The following EPHA6 variants were observed in gnomAD, a reference collection of about 807,000 sequenced individuals.
The protein encoded by EPHA6 is ephrin type-A receptor 6.
A neutral mutation model predicts 112.0 loss-of-function variants in EPHA6; 50 were observed. That is an observed-to-expected ratio of 0.45 (90% CI 0.36 to 0.56). The LOEUF (loss-of-function observed/expected upper bound fraction) is 0.56. Among genes scored for constraint, EPHA6 ranks in the 20% least tolerant of loss-of-function variants. The pLI is 0.00. For missense variants in EPHA6, 1,280 were observed against 1,417.4 expected, an observed-to-expected ratio of 0.90 and a Z score of 1.56; for synonymous variants, 529 against 490.7, an observed-to-expected ratio of 1.08 and a Z score of -1.03.
rs1361664347 is a variant in EPHA6, at chr3:96,868,218, AATCTT to A, written c.450+1332_450+1336del. On this transcript the variant is annotated intron_variant, in intron 2 of 17. Transcript: ENST00000389672. ...AGTGTGTGTGTGTGTGTGTGTGTCT[AATCTT>A]ATGAACAGTAGAATGGATAGGTGGT... 1.4e-4 allele frequency among the ~76,000 whole-genome samples: 21 copies of A among 148,088 alleles called. No homozygotes were observed. In the South Asian group the frequency reaches 2.1e-3, roughly 15 times the overall value.
chr3:96,842,696 C>T (rs1423342795), intron 1 of EPHA6, among the ~76,000 whole-genome samples: 1 of 151,982 alleles, frequency 6.6e-6, no homozygotes, highest in Admixed American at 6.6e-5. Context: ...AATTTCTTCC[C>T]TTAAGAACTC....
chr3:97,419,916 C>T (rs956354010), intron 6 of EPHA6, among the ~76,000 whole-genome samples: 3 of 151,876 alleles, frequency 2.0e-5, no homozygotes. Flanking sequence ...TAGAAATCAA[C>T]ACATGAAATA....
chr3:97,362,406 T>C (rs1271418658), intron 5 of EPHA6, among the ~76,000 whole-genome samples: 1 of 152,108 alleles, frequency 6.6e-6, no homozygotes, highest in African/African-American at 2.4e-5. Context: ...ACATGCGATA[T>C]TTAGAATTAA....
intron 14 of EPHA6, among the ~76,000 whole-genome samples, chr3:97,695,130 T>G (rs760331399): frequency 7.9e-5 from 12 of 152,220 alleles, no homozygotes; most frequent in Non-Finnish European, 1.6e-4. Context: ...TTATCAGCAC[T>G]CAGAGAATGA....
intron 3 of EPHA6, among the ~76,000 whole-genome samples, chr3:97,075,205 G>A (rs1490070703): frequency 6.6e-6 from 1 of 151,992 alleles, no homozygotes; most frequent in Non-Finnish European, 1.5e-5. Context: ...TTTAAGACAT[G>A]TAGAATGACA....
chr3:97,325,427 T>C (rs1559885102), intron 5 of EPHA6, among the ~76,000 whole-genome samples: 2 of 152,128 alleles, frequency 1.3e-5, no homozygotes, highest in Non-Finnish European at 2.9e-5. Flanking sequence ...GTCTTATTTT[T>C]ATAAGGACAG....
intron 5 of EPHA6, among the ~76,000 whole-genome samples, chr3:97,300,249 T>TA (rs1018357639): frequency 5.3e-5 from 8 of 151,592 alleles, no homozygotes; most frequent in South Asian, 2.1e-4. Flanking sequence ...TTAAAAACAG[T>TA]AAAAAAAAAT....
intron 10 of EPHA6, among the ~76,000 whole-genome samples, chr3:97,507,200 G>A (rs1377859794): frequency 6.6e-6 from 1 of 152,090 alleles, no homozygotes; most frequent in Non-Finnish European, 1.5e-5. Flanking sequence ...CCAATACTTT[G>A]TTGAATAGGA....
At chr3:97,707,008 C>A (rs1339807258) in intron 14 of EPHA6, among the ~76,000 whole-genome samples, 3 of 152,142 alleles carry the variant, frequency 2.0e-5, no homozygotes, top group Admixed American at 1.3e-4. Flanking sequence ...GAATGAATGC[C>A]ACCAGTGACC....
At chr3:96,949,996 T>C (rs2041456875) in intron 2 of EPHA6, among the ~76,000 whole-genome samples, 1 of 152,134 alleles carries the variant, frequency 6.6e-6, no homozygotes, top group African/African-American at 2.4e-5. Flanking sequence ...TACTTTTCCT[T>C]AAAATTTATC....
At chr3:97,130,513 C>T (rs2048309508) in intron 3 of EPHA6, among the ~76,000 whole-genome samples, 2 of 151,920 alleles carry the variant, frequency 1.3e-5, no homozygotes, top group Admixed American at 6.6e-5. Flanking sequence ...TTATGACTGT[C>T]CTGAATGCTA....
At chr3:97,592,848 G>A (rs1485430984) in intron 12 of EPHA6, 111 bp downstream of exon 12, 9 of 1,204,754 alleles carry the variant, frequency 7.5e-6, no homozygotes, top group Non-Finnish European at 8.8e-6. Flanking sequence ...TTGTGGAAAA[G>A]AAATGTAAGT....
At chr3:97,424,168 C>T (rs1331098429) in intron 6 of EPHA6, among the ~76,000 whole-genome samples, 3 of 152,174 alleles carry the variant, frequency 2.0e-5, no homozygotes, top group African/African-American at 4.8e-5. Flanking sequence ...TAGGAACTCT[C>T]ATTTATAAAA....
At chr3:96,843,716 A>C (rs2107335436) in intron 1 of EPHA6, among the ~76,000 whole-genome samples, 1 of 152,206 alleles carries the variant, frequency 6.6e-6, no homozygotes, top group South Asian at 2.1e-4. Flanking sequence ...CAGCCAGCCA[A>C]AAATGAGCTA....
At chr3:97,011,972 G>A (rs1432176328) in intron 3 of EPHA6, among the ~76,000 whole-genome samples, 1 of 152,080 alleles carries the variant, frequency 6.6e-6, no homozygotes, top group Non-Finnish European at 1.5e-5. Flanking sequence ...CCATGTTGCA[G>A]CGAAGAACAT....
chr3:97,613,959 C>T (rs906898359), intron 13 of EPHA6, among the ~76,000 whole-genome samples: 6 of 152,138 alleles, frequency 3.9e-5, no homozygotes, highest in African/African-American at 1.4e-4. Context: ...TTCATAAATA[C>T]TTTTTGTGGC....
chr3:97,543,798 A>G (rs2092904638), intron 11 of EPHA6, among the ~76,000 whole-genome samples: 1 of 152,028 alleles, frequency 6.6e-6, no homozygotes, highest in African/African-American at 2.4e-5. Flanking sequence ...TTCTCCTTGA[A>G]GAGGTCCTTC....
intron 11 of EPHA6, among the ~76,000 whole-genome samples, chr3:97,556,136 C>G (rs1183989769): frequency 6.6e-6 from 1 of 152,026 alleles, no homozygotes; most frequent in Non-Finnish European, 1.5e-5. Flanking sequence ...ACTTAGCCTG[C>G]TTACACCCTG....
chr3:97,139,719 G>A (rs1273314359), intron 3 of EPHA6, among the ~76,000 whole-genome samples: 2 of 152,106 alleles, frequency 1.3e-5, no homozygotes, highest in African/African-American at 4.8e-5. Context: ...AAAAGTAAAA[G>A]TGGCAGCTTC....
Sources: allele counts gnomAD v4.1 joint callset (sites outside exome capture counted in the v4.1 genomes callset), GRCh38; gene constraint gnomAD v4.1.1; transcripts MANE v1.5; gene names NCBI Gene and HGNC (gene_info 2026-07-23, HGNC 2026-07-21).